BCAS3: variants seen among roughly 807,000 people sequenced by gnomAD.
The protein encoded by BCAS3 is BCAS3 microtubule associated cell migration factor.
In BCAS3, 53 loss-of-function variants were observed where a neutral mutation model predicts 116.1. The ratio of observed to expected loss-of-function variants is 0.46; its 90% CI spans 0.37 to 0.57. BCAS3 has a LOEUF of 0.57. Ranked by LOEUF, BCAS3 falls within the 20% of genes least tolerant of loss-of-function variation. BCAS3 has a pLI of 0.00. For missense variants in BCAS3, 917 were observed against 1,165.4 expected (o/e 0.79, Z 3.10); for synonymous variants, 391 against 408.2 (o/e 0.96, Z 0.51).
chr17:60,757,394 ATGTG>A (rs61645091), intron 6 of BCAS3, among the ~76,000 whole-genome samples: 447 of 136,598 alleles, frequency 3.3e-3, no homozygotes, highest in Middle Eastern at 7.4e-3. Flanking sequence ...CAGCATGTAT[ATGTG>A]TGTGTGTGTG....
chr17:61,249,509 A>C lies in BCAS3; in HGVS notation c.2426-118818A>C, dbSNP rs78571365. On this transcript the variant is annotated intron_variant, in intron 22 of 23. Transcript: ENST00000407086. This position sits in a 1 kb window ranked among gnomAD's most constrained non-coding sequence, Gnocchi z 6.2. ...AAACTATATTGCTAAAATCTGAAGGAGAGAGATCTCAACAGCAGAGATGGA... is the reference window on the plus strand; with the variant it reads ...AAACTATATTGCTAAAATCTGAAGGCGAGAGATCTCAACAGCAGAGATGGA... Among the ~76,000 whole-genome samples the C allele has an allele frequency of 0.045, 6,781 of 152,258 alleles. 194 individuals are homozygous for C. The highest frequency in any genetic ancestry group is 0.056 in the African/African-American group (2,317 of 41,552).
At chr17:60,876,482 C>A (rs1391043239) in intron 9 of BCAS3, among the ~76,000 whole-genome samples, 1 of 152,030 alleles carries the variant, frequency 6.6e-6, no homozygotes, top group African/African-American at 2.4e-5. Flanking sequence ...ACTTCTCCTT[C>A]TAAATCCCTT....
At chr17:60,745,568 AT>A (rs942510969) in intron 5 of BCAS3, among the ~76,000 whole-genome samples, 1 of 152,134 alleles carries the variant, frequency 6.6e-6, no homozygotes, top group Non-Finnish European at 1.5e-5. Flanking sequence ...CTTTTTCTAA[AT>A]TTTAAATTTT....
chr17:60,871,215 A>T (rs2144899012), intron 8 of BCAS3, among the ~76,000 whole-genome samples: 2 of 152,262 alleles, frequency 1.3e-5, no homozygotes, highest in South Asian at 4.1e-4. Context: ...CCCAGACTGG[A>T]GTGCAGTGGC....
intron 13 of BCAS3, among the ~76,000 whole-genome samples, chr17:60,928,585 ATTAC>A (rs1313528478): frequency 6.6e-6 from 1 of 152,230 alleles, no homozygotes; most frequent in Non-Finnish European, 1.5e-5. Context: ...CTGGTAAGCA[ATTAC>A]TTACAATTCT....
intron 22 of BCAS3, among the ~76,000 whole-genome samples, chr17:61,138,628 A>C (rs2076770771): frequency 6.6e-6 from 1 of 152,244 alleles, no homozygotes. Context: ...GCATTGAGGA[A>C]TAAAAGGATA....
chr17:60,973,417 G>A (rs1348044300), intron 14 of BCAS3, among the ~76,000 whole-genome samples: 5 of 152,026 alleles, frequency 3.3e-5, no homozygotes, highest in Non-Finnish European at 7.4e-5. Context: ...AGGAGTGAAT[G>A]TTGGAGATGG....
intron 14 of BCAS3, among the ~76,000 whole-genome samples, chr17:60,977,590 G>A (rs1029777966): frequency 2.6e-5 from 4 of 151,668 alleles, no homozygotes; most frequent in Admixed American, 6.5e-5. Context: ...CCATGCTGGT[G>A]CCCTGCACCC....
At chr17:60,791,658 G>T (rs2046776822) in intron 6 of BCAS3, among the ~76,000 whole-genome samples, 1 of 152,106 alleles carries the variant, frequency 6.6e-6, no homozygotes, top group Admixed American at 6.6e-5. Flanking sequence ...ACAGACACAA[G>T]AAATGCTTTT....
intron 22 of BCAS3, among the ~76,000 whole-genome samples, chr17:61,143,918 G>C (rs2077058010): frequency 6.6e-6 from 1 of 152,196 alleles, no homozygotes; most frequent in African/African-American, 2.4e-5. Context: ...CTTTGGGATA[G>C]AGACTGAATC....
At chr17:60,810,358 G>T in intron 7 of BCAS3, 1 of 446,604 alleles carries the variant, frequency 2.2e-6, no homozygotes, top group Non-Finnish European at 4.3e-6. Context: ...GGGCCTGGTT[G>T]TGGGGATGGC....
rs2061381122 is a variant in BCAS3, at chr17:60,960,918, C to T, written c.1221+13566C>T. Among the ~76,000 whole-genome samples the T allele has an allele frequency of 6.6e-6, 1 of 151,884 alleles. No individual in the cohort carries two copies. Among genetic ancestry groups the T allele is most frequent in the Non-Finnish European group, 1.5e-5 (1 of 68,010 alleles). On this transcript the variant is annotated intron_variant, in intron 14 of 23. Coordinates refer to ENST00000407086, the MANE Select transcript of BCAS3 (RefSeq NM_017679.5). This position sits in a 1 kb window ranked among gnomAD's most constrained non-coding sequence, Gnocchi z 4.1. ...CATGCCATCAGACAAGAGGACACTC[C>T]ACAGATCTTTCTTGCATTTGTCTCT...
rs1371775844 is a variant in BCAS3 at position 61,251,302 on chromosome 17, G to T, written c.2426-117025G>T. 2.0e-5 allele frequency among the ~76,000 whole-genome samples: 3 copies of T among 152,216 alleles called. No individual in the cohort carries two copies. The highest frequency in any genetic ancestry group is 6.5e-5 in the Admixed American group (1 of 15,284). ...AAAAAAGACTGGGCTGGGTGTGGTG[G>T]CTCATGCCTGTAATCCCAGCACTCT... On this transcript the variant is annotated intron_variant, in intron 22 of 23. Transcript: ENST00000407086. The surrounding 1 kb of genome is among the most constrained non-coding windows in gnomAD (Gnocchi z 4.7).
intron 22 of BCAS3, among the ~76,000 whole-genome samples, chr17:61,185,419 A>G (rs952598770): frequency 1.3e-5 from 2 of 152,142 alleles, no homozygotes; most frequent in African/African-American, 4.8e-5. Context: ...TCAAATGGCT[A>G]CTAGTCTAAT....
chr17:61,360,636 CCT>C (rs1250986864), intron 22 of BCAS3, among the ~76,000 whole-genome samples: 3 of 152,146 alleles, frequency 2.0e-5, no homozygotes, highest in Non-Finnish European at 4.4e-5. Context: ...TCTCTGATCC[CCT>C]CTTTTCTCTT....
At chr17:60,927,989 A>G (rs1235635237) in intron 13 of BCAS3, among the ~76,000 whole-genome samples, 2 of 152,200 alleles carry the variant, frequency 1.3e-5, no homozygotes, top group Non-Finnish European at 2.9e-5. Context: ...TCCACACTAC[A>G]GAAATGTTTT....
In BCAS3 at chr17:61,204,422, T is replaced by A. The variant is rs111905435; in HGVS notation, c.2425+119858T>A. 4.0e-3 allele frequency among the ~76,000 whole-genome samples: 605 copies of A among 152,344 alleles called. No homozygotes were observed. The highest frequency in any genetic ancestry group is 6.7e-3 in the Admixed American group (102 of 15,300). ...GAAAATAATATTCTATGTTTGGATTTGTCTTTTTTTCCCACATTCATATTT... is the reference window on the plus strand; with the variant it reads ...GAAAATAATATTCTATGTTTGGATTAGTCTTTTTTTCCCACATTCATATTT... On this transcript the variant is annotated intron_variant, in intron 22 of 23. Coordinates refer to ENST00000407086, the MANE Select transcript of BCAS3 (RefSeq NM_017679.5). This position sits in a 1 kb window ranked among gnomAD's most constrained non-coding sequence, Gnocchi z 4.2.
intron 5 of BCAS3, among the ~76,000 whole-genome samples, chr17:60,728,058 C>G (rs1241002900): frequency 6.6e-6 from 1 of 152,092 alleles, no homozygotes; most frequent in African/African-American, 2.4e-5. Context: ...ATCTGCCCAC[C>G]TCGGCCTCCC....
rs1227334420 is a variant in BCAS3, at chr17:61,332,651, T to G, written c.2426-35676T>G. Among the ~76,000 whole-genome samples, 2 of 152,228 alleles carry G rather than the reference T, an allele frequency of 1.3e-5. No individual in the cohort carries two copies. Among genetic ancestry groups the G allele is most frequent in the East Asian group, 3.9e-4 (2 of 5,192 alleles). ...TATTTTTTGAGATAGAGTCTTGCTC[T>G]GTCACCCAGGCTGGAGTGCAATGGC... On this transcript the variant is annotated intron_variant, in intron 22 of 23. Coordinates refer to ENST00000407086, the MANE Select transcript of BCAS3 (RefSeq NM_017679.5). The surrounding 1 kb of genome is among the most constrained non-coding windows in gnomAD (Gnocchi z 5.4).
Sources: gnomAD v4.1 joint callset for allele counts (sites outside exome capture counted in the v4.1 genomes callset) on GRCh38, gnomAD v4.1.1 for gene constraint, Gnocchi (gnomAD v3.1) non-coding constraint, MANE v1.5 for transcripts, NCBI Gene and HGNC (gene_info 2026-07-23, HGNC 2026-07-21) for gene names.